The following TTC17 variants were observed in gnomAD, a reference collection of about 807,000 sequenced individuals.
The protein encoded by TTC17 is tetratricopeptide repeat protein 17.
A neutral mutation model predicts 143.8 loss-of-function variants in TTC17; 58 were observed. The ratio of observed to expected loss-of-function variants is 0.40; its 90% CI spans 0.33 to 0.50. The LOEUF is 0.50. Among genes scored for constraint, TTC17 ranks in the 20% least tolerant of loss-of-function variants. The pLI is 0.49. For missense variants in TTC17, 1,273 were observed against 1,392.5 expected (o/e 0.91, Z 1.37); for synonymous variants, 501 against 497.8 (o/e 1.01, Z -0.09).
At chr11:43,362,159 G>A (rs1856138442) in intron 1 of TTC17, among the ~76,000 whole-genome samples, 2 of 123,608 alleles carry the variant, frequency 1.6e-5, no homozygotes, top group Admixed American at 2.2e-4. Flanking sequence ...TTGTGTGTGT[G>A]TGTGTGTGTG....
chr11:43,383,973 G>A (rs1387619517), intron 2 of TTC17, among the ~76,000 whole-genome samples: 1 of 151,728 alleles, frequency 6.6e-6, no homozygotes, highest in African/African-American at 2.4e-5. Flanking sequence ...TTAAGACCCT[G>A]TCTCTACAAA....
At chr11:43,397,682 T>G (rs1857659310) in intron 7 of TTC17, among the ~76,000 whole-genome samples, 191 bp downstream of exon 7, 1 of 151,766 alleles carries the variant, frequency 6.6e-6, no homozygotes, top group Non-Finnish European at 1.5e-5. Flanking sequence ...AAAAAAACAA[T>G]AATAATAATT....
intron 21 of TTC17, among the ~76,000 whole-genome samples, chr11:43,459,712 C>A (rs1168442137): frequency 6.6e-6 from 1 of 152,190 alleles, no homozygotes; most frequent in Non-Finnish European, 1.5e-5. Flanking sequence ...ACTTAGAATT[C>A]TTTTACTTTA....
intron 21 of TTC17, chr11:43,466,889 G>T: frequency 4.3e-6 from 1 of 232,010 alleles, no homozygotes; most frequent in Admixed American, 4.9e-5. Flanking sequence ...TTTGACTTGT[G>T]TTTTATCTTA....
Position 43,491,849 on chromosome 11 carries a change from C to G in TTC17, c.3151-171C>G, listed in dbSNP as rs1948479278. The G allele has an allele frequency of 1.6e-5, 11 of 703,638 alleles. No individual in the cohort carries two copies. In the South Asian group the frequency reaches 2.7e-4, roughly 17 times the overall value. The allele number at this position is 703,638 out of a possible 1,614,324, so 43.6% of individuals were successfully genotyped here. A position where few individuals can be genotyped will look rare whatever the true frequency, so the allele number is the denominator to read the frequency against. ...GAAGTAATTGATTTATATTCTGGTACAAGCACCTTATCTATCACAGACCAG... is the reference window on the plus strand; with the variant it reads ...GAAGTAATTGATTTATATTCTGGTAGAAGCACCTTATCTATCACAGACCAG... On this transcript the variant is annotated intron_variant, in intron 22 of 23. Transcript: ENST00000039989.
At chr11:43,444,400 A>T in intron 18 of TTC17, 191 bp downstream of exon 18, 1 of 439,290 alleles carries the variant, frequency 2.3e-6, no homozygotes, top group Non-Finnish European at 3.9e-6. Context: ...GGAAATGCAA[A>T]TTCCAGTGGA....
chr11:43,380,882 C>A (rs1856941752), intron 2 of TTC17, among the ~76,000 whole-genome samples: 1 of 152,080 alleles, frequency 6.6e-6, no homozygotes, highest in African/African-American at 2.4e-5. Flanking sequence ...AGGAATTAGA[C>A]AATAGGTATC....
intron 21 of TTC17, among the ~76,000 whole-genome samples, chr11:43,455,087 T>TAAC (rs1483338169): frequency 1.3e-5 from 2 of 151,096 alleles, no homozygotes; most frequent in Non-Finnish European, 3.0e-5. Context: ...CAAAAAATAA[T>TAAC]AATAATAATA....
chr11:43,434,059 T>C (rs1342503760), intron 16 of TTC17, among the ~76,000 whole-genome samples: 1 of 152,034 alleles, frequency 6.6e-6, no homozygotes, highest in African/African-American at 2.4e-5. Context: ...ATGGTGAAAA[T>C]AGAAGTGGAG....
chr11:43,409,998 T>C (rs997732284), intron 15 of TTC17, among the ~76,000 whole-genome samples: 8 of 151,932 alleles, frequency 5.3e-5, no homozygotes, highest in South Asian at 4.1e-4. Flanking sequence ...CATACCACCA[T>C]GCCCGGCTAA....
chr11:43,459,474 C>A lies in TTC17; in HGVS notation c.3030+8209C>A, dbSNP rs535883994. On this transcript the variant is annotated intron_variant, in intron 21 of 23. Coordinates refer to ENST00000039989, the MANE Select transcript of TTC17 (RefSeq NM_018259.6). ...ACTGGCACAGTTATCCACACTGGCA[C>A]AACTTCTTTAAAAAGCTTTGTGGAC... 3.3e-5 allele frequency among the ~76,000 whole-genome samples: 5 copies of A among 152,320 alleles called. No homozygotes were observed. In the South Asian group the frequency reaches 1.0e-3, roughly 32 times the overall value.
At chr11:43,361,337 T>C (rs1305149370) in intron 1 of TTC17, among the ~76,000 whole-genome samples, 1 of 152,254 alleles carries the variant, frequency 6.6e-6, no homozygotes, top group Non-Finnish European at 1.5e-5. Flanking sequence ...AAAAGCTTAG[T>C]ATATACAGAT....
intron 16 of TTC17, among the ~76,000 whole-genome samples, chr11:43,438,228 G>C (rs1208591950): frequency 6.6e-6 from 1 of 152,134 alleles, no homozygotes; most frequent in Non-Finnish European, 1.5e-5. Flanking sequence ...CACGATCTCG[G>C]CTCACTGCAA....
In TTC17 at chr11:43,479,084, C is replaced by CA. The variant is rs1948239084; in HGVS notation, c.3031-11149dup. ...TGAAACCCTGTCTCTACTAAGAATA[C>CA]AAAAAATTAGCAAGGTGTGATGGCT... On this transcript the variant is annotated intron_variant, in intron 21 of 23. Coordinates refer to ENST00000039989, the MANE Select transcript of TTC17 (RefSeq NM_018259.6). 1.3e-5 allele frequency among the ~76,000 whole-genome samples: 2 copies of CA among 151,940 alleles called. 1 individual carries two copies. Among genetic ancestry groups the CA allele is most frequent in the South Asian group, 4.1e-4 (2 of 4,820 alleles).
At chr11:43,390,529 T>A (rs1857338163) in intron 3 of TTC17, among the ~76,000 whole-genome samples, 1 of 151,798 alleles carries the variant, frequency 6.6e-6, no homozygotes, top group Non-Finnish European at 1.5e-5. Flanking sequence ...GGCAGGAGAA[T>A]GGCGTGAACC....
intron 16 of TTC17, among the ~76,000 whole-genome samples, chr11:43,418,885 A>G (rs746790696): frequency 8.5e-5 from 13 of 152,208 alleles, no homozygotes; most frequent in Non-Finnish European, 1.0e-4. Context: ...CTAATCTGCA[A>G]ATTAAAAAGT....
chr11:43,435,283 T>C (rs1947267096), intron 16 of TTC17: 1 of 152,216 alleles, frequency 6.6e-6, no homozygotes, highest in African/African-American at 2.4e-5. Context: ...TGCATTTTCA[T>C]TGACAATGTC....
rs562594929 is a variant in TTC17 at position 43,462,921 on chromosome 11, C to CTTTTTTTTTTTTTTTTTTTT, written c.3030+11668_3030+11669insTTTTTTTTTTTTTTTTTTTT. On this transcript the variant is annotated intron_variant, in intron 21 of 23. Transcript: ENST00000039989. ...CACTGAATCCAGCAGTGACAAAATT[C>CTTTTTTTTTTTTTTTTTTTT]TTTTTTTTTTTTGAGACAGAGTCTC... 1.5e-4 allele frequency among the ~76,000 whole-genome samples: 18 copies of CTTTTTTTTTTTTTTTTTTTT among 117,750 alleles called. 1 individual carries two copies. Among genetic ancestry groups the CTTTTTTTTTTTTTTTTTTTT allele is most frequent in the African/African-American group, 5.2e-4 (13 of 24,768 alleles). 77.2% of individuals were successfully genotyped at this position (117,750 alleles called of 152,430 possible). A position where few individuals can be genotyped will look rare whatever the true frequency, so the allele number is the denominator to read the frequency against.
chr11:43,456,341 AC>A (rs1947763339), intron 21 of TTC17, among the ~76,000 whole-genome samples: 1 of 152,196 alleles, frequency 6.6e-6, no homozygotes, highest in Non-Finnish European at 1.5e-5. Flanking sequence ...ATTAATATAG[AC>A]AAAGGCATTC....
Sources: gnomAD v4.1 joint callset for allele counts (sites outside exome capture counted in the v4.1 genomes callset) on GRCh38, gnomAD v4.1.1 for gene constraint, MANE v1.5 for transcripts, NCBI Gene and HGNC (gene_info 2026-07-23, HGNC 2026-07-21) for gene names.